MAK: variants seen among roughly 807,000 people sequenced by gnomAD.
MAK encodes serine/threonine-protein kinase MAK.
MAK carries 65 observed loss-of-function variants against 82.6 expected under a neutral mutation model. The ratio of observed to expected loss-of-function variants is 0.79; its 90% CI spans 0.64 to 0.97. The LOEUF is 0.97. Ranked by LOEUF, MAK falls within the 50% of genes least tolerant of loss-of-function variation. The probability of loss-of-function intolerance (pLI) is 0.00; values close to 1 mark genes in which losing one functional copy is unlikely to be tolerated. For synonymous variants in MAK, 250 were observed against 274.2 expected (o/e 0.91, Z 0.87); for missense variants, 703 against 780.2 (o/e 0.90, Z 1.18).
rs1409572982 is a variant in MAK, at chr6:10,800,321, A to G, written c.831+1571T>C. 6.6e-6 allele frequency among the ~76,000 whole-genome samples: 1 copy of G among 151,948 alleles called. No homozygotes were observed. Among genetic ancestry groups the G allele is most frequent in the African/African-American group, 2.4e-5 (1 of 41,414 alleles). ...ATTTTTCTTGTGTTTCTGTAGGAGT[A>G]TTATATTAAGAATTAAAAATAATTT... On this transcript the variant is annotated intron_variant, in intron 8 of 14. Transcript: ENST00000354489. This position sits in a 1 kb window ranked among gnomAD's most constrained non-coding sequence, Gnocchi z 4.2.
At chr6:10,812,766 A>G (rs1045813183) in intron 5 of MAK, among the ~76,000 whole-genome samples, 1 of 151,922 alleles carries the variant, frequency 6.6e-6, no homozygotes, top group East Asian at 1.9e-4. Context: ...TAGAAATTCT[A>G]TTTTTTTATT....
At chr6:10,773,002 C>G in intron 13 of MAK, 32 bp downstream of exon 13, 1 of 1,396,218 alleles carries the variant, frequency 7.2e-7, no homozygotes, top group Non-Finnish European at 9.8e-7. Flanking sequence ...ATTCAAAGAA[C>G]AAACTGCATT....
At chr6:10,788,045 C>G (rs990004832) in intron 10 of MAK, among the ~76,000 whole-genome samples, 26 of 151,940 alleles carry the variant, frequency 1.7e-4, no homozygotes, top group Admixed American at 4.6e-4. Context: ...CAGTGTCTCG[C>G]TCTGTTGCCC....
At chr6:10,773,857 T>A (rs541171165) in intron 12 of MAK, among the ~76,000 whole-genome samples, 27 of 151,636 alleles carry the variant, frequency 1.8e-4, no homozygotes, top group Admixed American at 1.7e-3. Context: ...ATGCCTGGAT[T>A]TTTTTTTGTG....
At position 10,777,387 on chromosome 6, in the gene MAK, G is replaced by T. The variant is rs1310421546; in HGVS notation, c.1466-1928C>A. Among the ~76,000 whole-genome samples, 6 of 149,688 alleles carry T rather than the reference G, an allele frequency of 4.0e-5. 1 individual carries two copies. In the South Asian group the frequency reaches 1.3e-3, roughly 32 times the overall value. Reference sequence around the variant, plus strand: ...AGACTGTGCCACTGCATCCAGCCTGGTCTACAGAGCAAGACTGTCACAAAA... The same window carrying T: ...AGACTGTGCCACTGCATCCAGCCTGTTCTACAGAGCAAGACTGTCACAAAA... On this transcript the variant is annotated intron_variant, in intron 11 of 14. Coordinates refer to ENST00000354489, the MANE Select transcript of MAK (RefSeq NM_001242957.3).
intron 11 of MAK, chr6:10,779,481 T>C: frequency 1.0e-6 from 1 of 985,340 alleles, no homozygotes; most frequent in Non-Finnish European, 1.2e-6. Flanking sequence ...GTCCTTGTAG[T>C]ATAATGTCAT....
intron 13 of MAK, among the ~76,000 whole-genome samples, chr6:10,772,173 C>T (rs925361467): frequency 6.6e-6 from 1 of 152,110 alleles, no homozygotes; most frequent in African/African-American, 2.4e-5. Context: ...AGGGAAAAAA[C>T]ATGAACAGAA....
At chr6:10,773,137 A>T (rs1773166476) in intron 12 of MAK, 29 bp from the exon 13 acceptor site, 3 of 1,219,096 alleles carry the variant, frequency 2.5e-6, no homozygotes, top group Non-Finnish European at 3.5e-6. Context: ...GAAAGAAAGA[A>T]TAATAGTAAG....
intron 2 of MAK, among the ~76,000 whole-genome samples, chr6:10,819,670 G>A (rs139589621): frequency 1.1e-3 from 175 of 152,206 alleles, no homozygotes; most frequent in African/African-American, 4.1e-3. Context: ...TCATCCCAAT[G>A]TTGGTTTCTA....
rs202201486 is a variant in MAK at position 10,775,470 on chromosome 6, C to A, written c.1466-11G>T. 1.9e-6 allele frequency: 3 copies of A among 1,611,542 alleles called. No homozygotes were observed. The South Asian group carries it at 3.3e-5, about 18-fold the overall frequency. On this transcript the variant is annotated splice_polypyrimidine_tract_variant and intron_variant, in intron 11 of 14. Coordinates refer to ENST00000354489, the MANE Select transcript of MAK (RefSeq NM_001242957.3). ...TCTTGGGATTCACACCTGAGAAGAA[C>A]AAAACAACCACTTCAAAGGTTAGAG...
chr6:10,819,046 AT>A (rs1471421147), intron 2 of MAK, 106 bp from the exon 3 acceptor site: 2 of 715,464 alleles, frequency 2.8e-6, no homozygotes, highest in Non-Finnish European at 5.1e-6. Flanking sequence ...TGGGCGAGCT[AT>A]CTTTCTCTGT....
intron 10 of MAK, 136 bp from the exon 11 acceptor site, chr6:10,784,708 C>T: frequency 2.5e-6 from 2 of 806,026 alleles, no homozygotes; most frequent in Non-Finnish European, 4.2e-6. Flanking sequence ...TTCCATCAGT[C>T]TTTTGGCTAA....
At chr6:10,826,594 T>G (rs1778386649) in intron 2 of MAK, 1 of 152,206 alleles carries the variant, frequency 6.6e-6, no homozygotes, top group African/African-American at 2.4e-5. Flanking sequence ...CAGTAGATAC[T>G]GCATGTGGCA....
At position 10,827,014 on chromosome 6, in the gene MAK, A is replaced by G. The variant is rs1166642932; in HGVS notation, c.101+3534T>C. Among the ~76,000 whole-genome samples, 7 of 152,112 alleles carry G rather than the reference A, an allele frequency of 4.6e-5. No homozygotes were observed. The South Asian group carries it at 1.2e-3, about 27-fold the overall frequency. ...TAATCCCAGCTACTCGGGAGGCTGA[A>G]GCAGAAGAATCGCTTGAACCCAGGA... is the stretch of plus-strand genomic sequence containing the variant. On this transcript the variant is annotated intron_variant, in intron 2 of 14. Transcript: ENST00000354489.
chr6:10,770,506 C>CCCA (rs1368826596), intron 13 of MAK, among the ~76,000 whole-genome samples: 2 of 151,992 alleles, frequency 1.3e-5, no homozygotes, highest in East Asian at 1.9e-4. Flanking sequence ...GAACTCAAGG[C>CCCA]CCAGGGGTGT....
At chr6:10,804,123 A>G (rs527240540) in intron 6 of MAK, among the ~76,000 whole-genome samples, 2 of 152,302 alleles carry the variant, frequency 1.3e-5, no homozygotes, top group South Asian at 4.1e-4. Flanking sequence ...TGAAATGTCC[A>G]TCAAGCCTAA....
rs1021324445 is a variant in MAK, at chr6:10,815,650, A to G, written c.279-1927T>C. 7.2e-5 allele frequency among the ~76,000 whole-genome samples: 11 copies of G among 151,942 alleles called. 1 individual carries two copies. Among genetic ancestry groups the G allele is most frequent in the Non-Finnish European group, 7.4e-5 (5 of 67,996 alleles). ...TGTCTCTGAAAAAAAAGAGAGACAC[A>G]TGGTCTCGCTATGTTGCCTAGGCTG... On this transcript the variant is annotated intron_variant, in intron 4 of 14. Coordinates refer to ENST00000354489, the MANE Select transcript of MAK (RefSeq NM_001242957.3).
chr6:10,792,059 T>C (rs1430805568), intron 9 of MAK, among the ~76,000 whole-genome samples: 1 of 152,220 alleles, frequency 6.6e-6, no homozygotes, highest in Non-Finnish European at 1.5e-5. Context: ...GAGATCTCTG[T>C]GAACTAGGTT....
chr6:10,811,981 C>G (rs1048391399), intron 5 of MAK, among the ~76,000 whole-genome samples: 1 of 152,154 alleles, frequency 6.6e-6, no homozygotes, highest in Admixed American at 6.6e-5. Context: ...TGGAGGATCA[C>G]TTGAGTCCAG....
Sources: allele counts gnomAD v4.1 joint callset (sites outside exome capture counted in the v4.1 genomes callset), GRCh38; gene constraint gnomAD v4.1.1; non-coding constraint Gnocchi (gnomAD v3.1); transcripts MANE v1.5; gene names NCBI Gene and HGNC (gene_info 2026-07-23, HGNC 2026-07-21).